HORMAD1: variants seen among roughly 807,000 people sequenced by gnomAD.
HORMAD1 encodes the protein HORMA domain-containing protein 1.
In HORMAD1, 33 loss-of-function variants were observed where a neutral mutation model predicts 58.2. The ratio of observed to expected loss-of-function variants is 0.57; its 90% CI spans 0.43 to 0.76. The LOEUF is 0.76. Among genes scored for constraint, HORMAD1 ranks in the 30% least tolerant of loss-of-function variants. The pLI, the probability that HORMAD1 is intolerant of heterozygous loss-of-function variation, is 0.00. For synonymous variants in HORMAD1, 137 were observed against 144.6 expected (o/e 0.95, Z 0.38); for missense variants, 363 against 462.0 (o/e 0.79, Z 1.96).
At chr1:150,704,594 A>T (rs1651634152) in intron 10 of HORMAD1, among the ~76,000 whole-genome samples, 1 of 152,164 alleles carries the variant, frequency 6.6e-6, no homozygotes, top group African/African-American at 2.4e-5. Flanking sequence ...AAAAAATTTT[A>T]AAAATTAGCC....
At chr1:150,708,065 T>G (rs187099699) in intron 9 of HORMAD1, among the ~76,000 whole-genome samples, 191 bp downstream of exon 9, 52 of 152,376 alleles carry the variant, frequency 3.4e-4, no homozygotes, top group African/African-American at 1.3e-3. Context: ...ATGGATATGT[T>G]CCTATCACTA....
In HORMAD1 at chr1:150,711,534, A is replaced by T. The variant is rs1392866638; in HGVS notation, c.327+11T>A. The T allele has an allele frequency of 1.9e-6, 3 of 1,587,876 alleles. No individual in the cohort carries two copies. Among genetic ancestry groups the T allele is most frequent in the Non-Finnish European group, 1.7e-6 (2 of 1,156,858 alleles). ...GGCATTATGTTTCTTTAGTAACTCAAGCACACTTACCTGAGGATCTTCTGG... is the reference window on the plus strand; with the variant it reads ...GGCATTATGTTTCTTTAGTAACTCATGCACACTTACCTGAGGATCTTCTGG... On this transcript the variant is annotated intron_variant, in intron 7 of 14. Coordinates refer to ENST00000361824, the MANE Select transcript of HORMAD1 (RefSeq NM_032132.5).
chr1:150,716,683 G>C (rs1431137305), intron 3 of HORMAD1, among the ~76,000 whole-genome samples: 1 of 151,634 alleles, frequency 6.6e-6, no homozygotes, highest in Non-Finnish European at 1.5e-5. Context: ...ATTGAAATGG[G>C]CCGGGCGCGG....
At chr1:150,702,762 G>T (rs1571066658) in intron 13 of HORMAD1, among the ~76,000 whole-genome samples, 1 of 152,140 alleles carries the variant, frequency 6.6e-6, no homozygotes, top group Non-Finnish European at 1.5e-5. Context: ...GAGGGAGGGA[G>T]AGCATTAGGA....
intron 5 of HORMAD1, among the ~76,000 whole-genome samples, chr1:150,712,954 A>T (rs1651946933): frequency 6.6e-6 from 1 of 152,228 alleles, no homozygotes; most frequent in African/African-American, 2.4e-5. Context: ...GGCCCTGCTT[A>T]TCTGCCCAGG....
intron 10 of HORMAD1, 128 bp downstream of exon 10, chr1:150,706,425 C>G (rs1651692557): frequency 1.2e-6 from 1 of 834,678 alleles, no homozygotes; most frequent in Non-Finnish European, 1.8e-6. Flanking sequence ...TTTAAGGTCC[C>G]TTTCAACCTT....
intron 6 of HORMAD1, 115 bp downstream of exon 6, chr1:150,711,718 A>G (rs1651911170): frequency 1.1e-6 from 1 of 933,696 alleles, no homozygotes; most frequent in African/African-American, 1.6e-5. Context: ...TCCATTGAAT[A>G]GATCAGTTAT....
chr1:150,715,890 A>AAT (rs34175040), intron 3 of HORMAD1, among the ~76,000 whole-genome samples: 100 of 150,606 alleles, frequency 6.6e-4, no homozygotes, highest in East Asian at 2.7e-3. Context: ...AAAGGTATTG[A>AAT]ATATATATAT....
At position 150,706,612 on chromosome 1, in the gene HORMAD1, G is replaced by C. The variant is rs1557796799; in HGVS notation, c.745C>G (p.Pro249Ala). ...TTGTCCCTCAGGATTTTTTGAAATG[G>C]TGTTTTTATTTGTTTTGGTGATAGT... ...TILSPKQIKT[P>A]FQKILRDKDV... Residue 249 changes from proline to alanine, a missense_variant, in exon 10 of 15, where the codon CCA (proline) becomes GCA (alanine). Pro to Ala is a conservative substitution (Grantham distance 27). Coordinates refer to ENST00000361824, the MANE Select transcript of HORMAD1 (RefSeq NM_032132.5). 1 of 1,611,460 alleles carries C rather than the reference G, an allele frequency of 6.2e-7. No homozygotes were observed. Among genetic ancestry groups the C allele is most frequent in the Non-Finnish European group, 8.5e-7 (1 of 1,178,498 alleles).
rs780769958 is a variant in HORMAD1, at chr1:150,711,501, A to G, written c.327+44T>C. On this transcript the variant is annotated intron_variant, in intron 7 of 14. Coordinates refer to ENST00000361824, the MANE Select transcript of HORMAD1 (RefSeq NM_032132.5). ...ATATTATGTTTCGTGTTATTTTTAG[A>G]TATTAGAGGCATTATGTTTCTTTAG... is the stretch of plus-strand genomic sequence containing the variant. The G allele has an allele frequency of 5.9e-6, 8 of 1,349,774 alleles. No individual in the cohort carries two copies. In the East Asian group the frequency reaches 1.8e-4, roughly 31 times the overall value. The allele number at this position is 1,349,774 out of a possible 1,614,324, so 83.6% of individuals were successfully genotyped here. A position where few individuals can be genotyped will look rare whatever the true frequency, so the allele number is the denominator to read the frequency against.
At position 150,703,356 on chromosome 1, in the gene HORMAD1, A is replaced by G. The variant is rs1450735092; in HGVS notation, c.986T>C (p.Met329Thr). The change falls in exon 13 of 15, where the codon ATG becomes ACG. Residue 329 changes from methionine to threonine, a missense_variant. By Grantham distance (81) the Met-to-Thr change is moderately conservative (BLOSUM62 -1). Coordinates refer to ENST00000361824, the MANE Select transcript of HORMAD1 (RefSeq NM_032132.5). ...QLVNKTSELDMSESKTRSGKV... is the reference protein window; with the variant it reads ...QLVNKTSELDTSESKTRSGKV... ...TCCACTTCTTGTTTTGCTTTCAGAC[A>G]TATCAAGTTCAGATGTTTTATTGAC... The G allele has an allele frequency of 1.9e-6, 3 of 1,583,454 alleles. No individual in the cohort carries two copies. The East Asian group carries it at 6.8e-5, about 36-fold the overall frequency.
intron 3 of HORMAD1, among the ~76,000 whole-genome samples, chr1:150,714,896 C>T (rs1286081913): frequency 6.6e-6 from 1 of 151,976 alleles, no homozygotes; most frequent in African/African-American, 2.4e-5. Context: ...AGCCATTCTC[C>T]CACCTCAGCC....
chr1:150,714,786 T>A, intron 3 of HORMAD1, 108 bp from the exon 4 acceptor site: 1 of 423,752 alleles, frequency 2.4e-6, no homozygotes, highest in Non-Finnish European at 4.2e-6. Flanking sequence ...AAATTATTAT[T>A]ATAATTATTA....
intron 9 of HORMAD1, 75 bp from the exon 10 acceptor site, chr1:150,706,884 C>CG: frequency 8.2e-7 from 1 of 1,219,516 alleles, no homozygotes; most frequent in Non-Finnish European, 1.1e-6. Context: ...AAAACACACG[C>CG]AGATTGCAGG....
At chr1:150,703,480 A>T (rs966874068) in intron 12 of HORMAD1, 87 bp from the exon 13 acceptor site, 9 of 714,424 alleles carry the variant, frequency 1.3e-5, no homozygotes, top group Non-Finnish European at 1.8e-5. Flanking sequence ...AAATTTAACC[A>T]CATAAAATTT....
Position 150,700,155 on chromosome 1 carries a change from G to C in HORMAD1, c.1061C>G (p.Ser354Cys). ...TTGACTTCTCTTCCGATTTTCTTTGGAAGATTTTACTGGTTGATTTCCATT... is the reference window on the plus strand; with the variant it reads ...TTGACTTCTCTTCCGATTTTCTTTGCAAGATTTTACTGGTTGATTTCCATT... ...MANGNQPVKS[S>C]KENRKRSQHE... Residue 354 changes from serine (S) to cysteine (C), a missense_variant, in exon 14 of 15, where the codon TCC becomes TGC. Coordinates refer to ENST00000361824, the MANE Select transcript of HORMAD1 (RefSeq NM_032132.5). The C allele has an allele frequency of 6.3e-7, 1 of 1,583,826 alleles. No individual in the cohort carries two copies. Among genetic ancestry groups the C allele is most frequent in the Non-Finnish European group, 8.7e-7 (1 of 1,153,416 alleles).
rs1216680973 is a variant in HORMAD1, at chr1:150,704,165, T to G, written c.901A>C (p.Ile301Leu). Residue 301 changes from isoleucine to leucine, a missense_variant, in exon 12 of 15, where the codon ATT becomes CTT. By Grantham distance (5) the Ile-to-Leu change is conservative. Coordinates refer to ENST00000361824, the MANE Select transcript of HORMAD1 (RefSeq NM_032132.5). The stretch of plus-strand genomic sequence containing the variant: ...TCTGGACTTTCTTTAGACCTCATAA[T>G]TTCATCTTCCTCACAAACTAAACTT... ...EPSLVCEEDE[I>L]MRSKESPDLS... The G allele has an allele frequency of 6.3e-7, 1 of 1,595,034 alleles. No homozygotes were observed. The highest frequency in any genetic ancestry group is 1.4e-5 in the African/African-American group (1 of 73,794).
intron 9 of HORMAD1, among the ~76,000 whole-genome samples, chr1:150,707,541 A>G (rs1651731748): frequency 6.6e-6 from 1 of 152,188 alleles, no homozygotes; most frequent in Admixed American, 6.5e-5. Context: ...TTTTCTCACT[A>G]TAGAATTTCT....
chr1:150,715,884 G>A (rs886925440), intron 3 of HORMAD1, among the ~76,000 whole-genome samples: 3 of 134,308 alleles, frequency 2.2e-5, no homozygotes, highest in Non-Finnish European at 3.3e-5. Context: ...GCTTCTAAAG[G>A]TATTGAATAT....
Sources: allele counts gnomAD v4.1 joint callset (sites outside exome capture counted in the v4.1 genomes callset), GRCh38; gene constraint gnomAD v4.1.1; transcripts MANE v1.5; gene names NCBI Gene and HGNC (gene_info 2026-07-23, HGNC 2026-07-21).